The following GSE1 variants were observed in gnomAD, a reference collection of about 807,000 sequenced individuals.
GSE1 encodes genetic suppressor element 1.
A neutral mutation model predicts 112.6 loss-of-function variants in GSE1; 32 were observed. The observed-to-expected ratio is 0.28, with a 90% CI of 0.21 to 0.38. The LOEUF is 0.38. GSE1 is among the 10% of genes least tolerant of loss of function. The pLI is 1.00. For missense variants in GSE1, 2,348 were observed against 1,699.2 expected (o/e 1.38, Z -6.71); for synonymous variants, 1,115 against 735.6 (o/e 1.52, Z -8.35).
At chr16:85,592,155 T>G (rs2047029348) in intron 1 of GSE1, 1 of 152,064 alleles carries the variant, frequency 6.6e-6, no homozygotes, top group Admixed American at 6.6e-5. Context: ...CGGGTTTTTT[T>G]GTTTGTTTGT....
At chr16:85,263,532 C>T (rs978028402) in intron 1 of GSE1, among the ~76,000 whole-genome samples, 3 of 151,898 alleles carry the variant, frequency 2.0e-5, no homozygotes, top group Non-Finnish European at 2.9e-5. Flanking sequence ...ACCTCGGGGG[C>T]ACCTAGGGTC....
rs2048126582 is a variant in GSE1, at chr16:85,613,379, G to C, written c.-13G>C. On this transcript the variant is annotated 5_prime_UTR_variant, in exon 1 of 16. Coordinates refer to ENST00000253458, the MANE Select transcript of GSE1 (RefSeq NM_014615.5). ...AGCATGTATCAGCCGAGGTGGAGCT[G>C]CGGGGCCCTGGCATGAAAGGTGAGC... The C allele has an allele frequency of 1.3e-6, 2 of 1,568,458 alleles. No homozygotes were observed. Among genetic ancestry groups the C allele is most frequent in the Non-Finnish European group, 1.7e-6 (2 of 1,157,812 alleles).
At chr16:85,326,085 CAG>C (rs367683800) in intron 1 of GSE1, among the ~76,000 whole-genome samples, 271 of 152,240 alleles carry the variant, frequency 1.8e-3, no homozygotes, top group African/African-American at 6.4e-3. Context: ...AAAAATTTGA[CAG>C]GGGTAGAAAG....
chr16:85,446,960 A>C lies in GSE1; in HGVS notation c.2464+89317A>C, dbSNP rs902628848. On this transcript the variant is annotated intron_variant, in intron 2 of 2. Transcript: ENST00000637419. ...TGCTCCCTGCACCCCCATGCCCTTC[A>C]GCTTGGCTCGTCCGACCCCTCCAGC... 3.3e-5 allele frequency among the ~76,000 whole-genome samples: 5 copies of C among 152,018 alleles called. No homozygotes were observed. The East Asian group carries it at 5.8e-4, about 18-fold the overall frequency.
chr16:85,537,824 T>A (rs979998386), intron 2 of GSE1, among the ~76,000 whole-genome samples: 2 of 152,080 alleles, frequency 1.3e-5, no homozygotes, highest in Admixed American at 6.6e-5. Context: ...GAGTGAGGGG[T>A]CAAGGAGGCT....
intron 2 of GSE1, among the ~76,000 whole-genome samples, chr16:85,383,539 CTCTCTCTCT>C (rs1567725177): frequency 0.016 from 1,190 of 75,818 alleles, 17 homozygotes; most frequent in South Asian, 0.048. Flanking sequence ...CTCTCTCTCT[CTCTCTCTCT>C]CTCTCTCTCT....
At chr16:85,435,204 C>G (rs2049216600) in intron 2 of GSE1, among the ~76,000 whole-genome samples, 1 of 152,240 alleles carries the variant, frequency 6.6e-6, no homozygotes, top group South Asian at 2.1e-4. Context: ...AGCCTCGGCC[C>G]TGCACACGCC....
intron 1 of GSE1, among the ~76,000 whole-genome samples, chr16:85,570,103 G>C (rs1177743226): frequency 6.6e-6 from 1 of 152,220 alleles, no homozygotes. Context: ...GCAGCCGTCG[G>C]GCTAGCTGAG....
chr16:85,520,216 G>A (rs2052134283), intron 2 of GSE1, among the ~76,000 whole-genome samples: 1 of 152,082 alleles, frequency 6.6e-6, no homozygotes, highest in African/African-American at 2.4e-5. Flanking sequence ...CATGGTGAAA[G>A]GGGGGACCCT....
At chr16:85,394,592 C>T (rs750162650) in intron 2 of GSE1, among the ~76,000 whole-genome samples, 1 of 152,226 alleles carries the variant, frequency 6.6e-6, no homozygotes, top group Non-Finnish European at 1.5e-5. Context: ...CGCGCACACA[C>T]ACACGCACTC....
At chr16:85,169,981 G>A in exon 1 of GSE1, 3 of 984,650 alleles carry the variant, frequency 3.0e-6, no homozygotes, top group Non-Finnish European at 3.6e-6. Flanking sequence ...CGACGACGAC[G>A]AGGACGACGG....
chr16:85,490,179 TA>T (rs2050965166), intron 2 of GSE1: 1 of 152,396 alleles, frequency 6.6e-6, no homozygotes, highest in Non-Finnish European at 1.5e-5. Flanking sequence ...TCCCTTGCGC[TA>T]GATGTTGAGA....
chr16:85,641,411 C>T (rs1368692626), intron 2 of GSE1, among the ~76,000 whole-genome samples: 1 of 152,100 alleles, frequency 6.6e-6, no homozygotes, highest in Non-Finnish European at 1.5e-5. Flanking sequence ...TGGGAGCCCG[C>T]CACTGGCTGA....
At chr16:85,235,490 T>G (rs1303500663) in intron 1 of GSE1, among the ~76,000 whole-genome samples, 1 of 136,946 alleles carries the variant, frequency 7.3e-6, no homozygotes, top group African/African-American at 2.7e-5. Flanking sequence ...TGTTCTGGCC[T>G]CCCATCTCCC....
At position 85,656,425 on chromosome 16, in the gene GSE1, G is replaced by A. The variant is rs780486881; in HGVS notation, c.1072G>A (p.Glu358Lys). The A allele has an allele frequency of 2.2e-5, 34 of 1,572,678 alleles. No homozygotes were observed. Among genetic ancestry groups the A allele is most frequent in the Non-Finnish European group, 2.8e-5 (32 of 1,155,478 alleles). ...EREREADRER[E>K]KEREREREKE... Reference sequence around the variant, plus strand: ...TGAGCGTGAGGCTGACCGCGAGCGGGAGAAGGAACGTGAGCGCGAACGCGA... The same window carrying A: ...TGAGCGTGAGGCTGACCGCGAGCGGAAGAAGGAACGTGAGCGCGAACGCGA... The change falls in exon 7 of 16, where the codon GAG becomes AAG. Residue 358 changes from glutamate to lysine, a missense_variant. Physicochemically the swap from Glu to Lys is moderately conservative, Grantham distance 56. Transcript: ENST00000253458.
chr16:85,564,982 G>A (rs1290058866), intron 1 of GSE1, among the ~76,000 whole-genome samples: 1 of 152,152 alleles, frequency 6.6e-6, no homozygotes, highest in Non-Finnish European at 1.5e-5. Flanking sequence ...GTGAAGTGTG[G>A]GAATGAAGCC....
chr16:85,626,773 C>T (rs978331223), intron 1 of GSE1, among the ~76,000 whole-genome samples: 2 of 150,772 alleles, frequency 1.3e-5, no homozygotes, highest in African/African-American at 2.5e-5. Context: ...ACGGGATCCG[C>T]GGGAGGCCGG....
chr16:85,193,095 AC>A (rs1197636630), intron 1 of GSE1, among the ~76,000 whole-genome samples: 1 of 152,168 alleles, frequency 6.6e-6, no homozygotes. Flanking sequence ...GTTACAGTGT[AC>A]CCAGCCATCG....
chr16:85,515,914 G>C (rs1187737372), intron 2 of GSE1, among the ~76,000 whole-genome samples: 1 of 152,178 alleles, frequency 6.6e-6, no homozygotes, highest in Non-Finnish European at 1.5e-5. Flanking sequence ...GTTCCCACCC[G>C]GAGCCTGGGA....
Sources: allele counts gnomAD v4.1 joint callset (sites outside exome capture counted in the v4.1 genomes callset), GRCh38; gene constraint gnomAD v4.1.1; transcripts MANE v1.5; gene names NCBI Gene and HGNC (gene_info 2026-07-23, HGNC 2026-07-21).